Variants in KIF16B observed in about 807,000 individuals in gnomAD.
KIF16B encodes the protein kinesin-like protein KIF16B.
In KIF16B, 98 loss-of-function variants were observed where a neutral mutation model predicts 156.3. The ratio of observed to expected loss-of-function variants is 0.63; its 90% confidence interval spans 0.53 to 0.74. KIF16B has a LOEUF of 0.74. Among genes scored for constraint, KIF16B ranks in the 30% least tolerant of loss-of-function variants. The probability of loss-of-function intolerance (pLI) is 0.00; values close to 1 mark genes in which losing one functional copy is unlikely to be tolerated. For synonymous variants in KIF16B, 564 were observed against 583.7 expected (o/e 0.97, Z 0.49); for missense variants, 1,421 against 1,606.5 (o/e 0.88, Z 1.97).
intron 12 of KIF16B, among the ~76,000 whole-genome samples, chr20:16,454,124 C>CT (rs1427361020): frequency 6.6e-6 from 1 of 152,062 alleles, no homozygotes; most frequent in Non-Finnish European, 1.5e-5. Context: ...AGGAAAATCT[C>CT]TAAGAAGATT....
Position 16,380,096 on chromosome 20 carries a change from C to T in KIF16B, c.1906G>A (p.Glu636Lys). ...GTCTCCTTGCGCTGGGTCTCCACCT[C>T]CTGCTGCATCCGCTCCAGTTCAGCC... is the stretch of plus-strand genomic sequence containing the variant. Reference protein sequence around the residue: ...DKAELERMQQEVETQRKETEI... With the variant: ...DKAELERMQQKVETQRKETEI... Residue 636 changes from glutamate to lysine, a missense_variant, in exon 19 of 26, where the codon GAG becomes AAG. Physicochemically the swap from Glu to Lys is moderately conservative, Grantham distance 56. Transcript: ENST00000354981. The T allele has an allele frequency of 6.5e-7, 1 of 1,528,880 alleles. No homozygotes were observed. The highest frequency in any genetic ancestry group is 8.7e-7 in the Non-Finnish European group (1 of 1,143,526). 94.7% of individuals were successfully genotyped at this position (1,528,880 alleles called of 1,614,324 possible).
At chr20:16,365,243 A>G (rs1016208875) in intron 22 of KIF16B, among the ~76,000 whole-genome samples, 3 of 152,240 alleles carry the variant, frequency 2.0e-5, no homozygotes, top group Non-Finnish European at 4.4e-5. Context: ...TAAAAAAATA[A>G]AAATAAATTA....
chr20:16,334,299 G>A (rs576294974), intron 24 of KIF16B, among the ~76,000 whole-genome samples: 22 of 152,166 alleles, frequency 1.4e-4, no homozygotes, highest in Non-Finnish European at 2.6e-4. Context: ...TGGTTAATGA[G>A]CTGCAAAGCT....
intron 24 of KIF16B, among the ~76,000 whole-genome samples, chr20:16,328,822 G>A (rs376679514): frequency 1.6e-4 from 25 of 152,110 alleles, no homozygotes; most frequent in Middle Eastern, 6.8e-3. Flanking sequence ...GCAGGAGGTG[G>A]GGGCAAGCTC....
chr20:16,365,648 G>A (rs6080243), intron 22 of KIF16B, among the ~76,000 whole-genome samples: 103,112 of 152,030 alleles, frequency 0.68, 36,183 homozygotes, highest in East Asian at 0.97. Flanking sequence ...CATTTCCTCC[G>A]TCAGGGGAAA....
At chr20:16,498,397 GA>G (rs1186178219) in intron 10 of KIF16B, among the ~76,000 whole-genome samples, 1 of 152,034 alleles carries the variant, frequency 6.6e-6, no homozygotes, top group Non-Finnish European at 1.5e-5. Context: ...AAAAGAAAGA[GA>G]ATATCCCTCC....
At chr20:16,490,843 A>C (rs6044022) in intron 12 of KIF16B, among the ~76,000 whole-genome samples, 3 of 152,016 alleles carry the variant, frequency 2.0e-5, no homozygotes, top group Non-Finnish European at 4.4e-5. Context: ...CTTGATACTA[A>C]CCTAATCCCA....
At chr20:16,544,026 A>T (rs2147247603) in intron 1 of KIF16B, among the ~76,000 whole-genome samples, 1 of 152,282 alleles carries the variant, frequency 6.6e-6, no homozygotes, top group Middle Eastern at 3.4e-3. Context: ...TCCCAGGGGA[A>T]CACAATGAGC....
intron 1 of KIF16B, among the ~76,000 whole-genome samples, chr20:16,536,695 T>C (rs1262356613): frequency 2.0e-5 from 3 of 152,190 alleles, no homozygotes; most frequent in Admixed American, 1.3e-4. Context: ...CTTTGTTACA[T>C]GTCTTCCTTT....
At chr20:16,437,751 T>C (rs1470947521) in intron 12 of KIF16B, among the ~76,000 whole-genome samples, 7 of 152,182 alleles carry the variant, frequency 4.6e-5, no homozygotes, top group Non-Finnish European at 2.9e-5. Context: ...AGTAAGGAGG[T>C]ATTATTCATG....
chr20:16,278,197 A>G (rs2063093274), intron 25 of KIF16B, among the ~76,000 whole-genome samples: 1 of 152,140 alleles, frequency 6.6e-6, no homozygotes, highest in Non-Finnish European at 1.5e-5. Flanking sequence ...GGGGCCACAG[A>G]GAGACAGAGG....
intron 3 of KIF16B, 140 bp from the exon 4 acceptor site, chr20:16,515,804 C>A: frequency 1.8e-6 from 1 of 553,614 alleles, no homozygotes; most frequent in Non-Finnish European, 3.2e-6. Flanking sequence ...CAGAACCATT[C>A]ACAACAACAT....
intron 3 of KIF16B, among the ~76,000 whole-genome samples, chr20:16,517,987 G>A (rs2147096133): frequency 6.6e-6 from 1 of 152,212 alleles, no homozygotes; most frequent in South Asian, 2.1e-4. Flanking sequence ...TAAAATCTAT[G>A]CCTACCACTT....
At chr20:16,539,960 C>T (rs953220824) in intron 1 of KIF16B, among the ~76,000 whole-genome samples, 5 of 152,082 alleles carry the variant, frequency 3.3e-5, no homozygotes, top group Admixed American at 6.5e-5. Context: ...TGAAATAAAC[C>T]GGCATCCCAA....
At chr20:16,398,598 C>T (rs2065572017) in intron 17 of KIF16B, among the ~76,000 whole-genome samples, 1 of 152,136 alleles carries the variant, frequency 6.6e-6, no homozygotes, top group African/African-American at 2.4e-5. Flanking sequence ...CCACATTGTC[C>T]ATTTAAGGAA....
In KIF16B at chr20:16,512,901, C is replaced by A. The variant is rs1478305353; in HGVS notation, c.371G>T (p.Arg124Leu). 1 of 1,612,680 alleles carries A rather than the reference C, an allele frequency of 6.2e-7. No individual in the cohort carries two copies. The highest frequency in any genetic ancestry group is 1.3e-5 in the African/African-American group (1 of 75,006). ...GNSGDSGLIP[R>L]ICEGLFSRIN... ...CCGACTGAAGAGTCCTTCACAGATC[C>A]GAGGTATTAAGCCAGAATCTCCCTG... The change falls in exon 5 of 26, where the codon CGG becomes CTG. Residue 124 changes from arginine (R) to leucine (L), a missense_variant. Coordinates refer to ENST00000354981, the MANE Select transcript of KIF16B (RefSeq NM_024704.5).
At chr20:16,443,700 A>G (rs1293765841) in intron 12 of KIF16B, among the ~76,000 whole-genome samples, 1 of 152,218 alleles carries the variant, frequency 6.6e-6, no homozygotes, top group African/African-American at 2.4e-5. Flanking sequence ...GTAAATCAAA[A>G]GGGCTCATTC....
intron 1 of KIF16B, among the ~76,000 whole-genome samples, chr20:16,529,543 TTCTG>T (rs1183689884): frequency 6.6e-6 from 1 of 152,214 alleles, no homozygotes; most frequent in Non-Finnish European, 1.5e-5. Flanking sequence ...ATTCTGAGAT[TTCTG>T]TCTGTGTACT....
intron 1 of KIF16B, among the ~76,000 whole-genome samples, chr20:16,556,963 A>G (rs2070871725): frequency 6.6e-6 from 1 of 152,092 alleles, no homozygotes; most frequent in Non-Finnish European, 1.5e-5. Flanking sequence ...GGCAGCTACT[A>G]GCCACATGTG....
Sources: allele counts gnomAD v4.1 joint callset (sites outside exome capture counted in the v4.1 genomes callset), GRCh38; gene constraint gnomAD v4.1.1; transcripts MANE v1.5; gene names NCBI Gene and HGNC (gene_info 2026-07-23, HGNC 2026-07-21).